The following CLCA1 variants were observed in gnomAD, a reference collection of about 807,000 sequenced individuals.
CLCA1 encodes the protein calcium-activated chloride channel regulator 1.
A neutral mutation model predicts 85.6 loss-of-function variants in CLCA1; 59 were observed. The ratio of observed to expected loss-of-function variants is 0.69; its 90% CI spans 0.56 to 0.86. CLCA1 has a LOEUF of 0.86. CLCA1 is among the 40% of genes least tolerant of loss of function. CLCA1 has a pLI of 0.00. For missense variants in CLCA1, 1,022 were observed against 1,101.4 expected, an observed-to-expected ratio of 0.93 and a Z score of 1.02; for synonymous variants, 396 against 398.3, an observed-to-expected ratio of 0.99 and a Z score of 0.07.
chr1:86,490,950 C>T (rs1360754949), intron 8 of CLCA1, among the ~76,000 whole-genome samples: 2 of 149,870 alleles, frequency 1.3e-5, no homozygotes, highest in African/African-American at 4.9e-5. Flanking sequence ...TTGGCATATG[C>T]TTGTAATCCC....
chr1:86,473,173 G>C (rs1228487693), intron 1 of CLCA1, among the ~76,000 whole-genome samples: 1 of 152,214 alleles, frequency 6.6e-6, no homozygotes, highest in Admixed American at 6.5e-5. Flanking sequence ...ACAAAAAGTG[G>C]TGCAGCCAGG....
intron 9 of CLCA1, among the ~76,000 whole-genome samples, chr1:86,492,510 C>A (rs146359122): frequency 3.3e-5 from 5 of 152,200 alleles, no homozygotes; most frequent in Non-Finnish European, 7.3e-5. Context: ...AATAGCCCTT[C>A]GCTTTCTCCA....
In CLCA1 at chr1:86,476,561, T is replaced by C. The variant is rs1365137171; in HGVS notation, c.557+8T>C. 1 of 1,365,362 alleles carries C rather than the reference T, an allele frequency of 7.3e-7. No individual in the cohort carries two copies. The highest frequency in any genetic ancestry group is 1.4e-5 in the African/African-American group (1 of 69,954). 84.6% of individuals were successfully genotyped at this position (1,365,362 alleles called of 1,614,324 possible). A position where few individuals can be genotyped will look rare whatever the true frequency, so the allele number is the denominator to read the frequency against. The stretch of plus-strand genomic sequence containing the variant: ...AAGAATACAAGCAGTAAGGTATGTA[T>C]ATTTTGATTTAACTTGTTCCAAACT... On this transcript the variant is annotated splice_region_variant and intron_variant, in intron 4 of 13. Transcript: ENST00000394711.
chr1:86,484,777 C>T (rs1647917698), intron 5 of CLCA1, among the ~76,000 whole-genome samples: 1 of 151,986 alleles, frequency 6.6e-6, no homozygotes. Flanking sequence ...TTCCAGTTTC[C>T]TAATTTTGGT....
intron 9 of CLCA1, 68 bp downstream of exon 9, chr1:86,491,439 G>A: frequency 9.2e-7 from 1 of 1,090,122 alleles, no homozygotes; most frequent in Non-Finnish European, 1.4e-6. Context: ...GAATTTAATG[G>A]CTAAAAGTTT....
Position 86,493,562 on chromosome 1 carries a change from C to G in CLCA1, c.1643C>G (p.Thr548Ser). The G allele has an allele frequency of 6.2e-7, 1 of 1,614,110 alleles. No homozygotes were observed. Among genetic ancestry groups the G allele is most frequent in the Non-Finnish European group, 8.5e-7 (1 of 1,179,982 alleles). The change falls in exon 10 of 14, where the codon ACC becomes AGC. Residue 548 changes from threonine (T) to serine (S), a missense_variant. Transcript: ENST00000394711. Reference protein sequence around the residue: ...KQGGFVVDKNTKMAYLQIPGI... With the variant: ...KQGGFVVDKNSKMAYLQIPGI... ...GGTGGCTTTGTAGTGGACAAAAACA[C>G]CAAAATGGCCTACCTCCAAATCCCA... is the stretch of plus-strand genomic sequence containing the variant.
At position 86,469,178 on chromosome 1, in the gene CLCA1, T is replaced by G. The variant is rs756258522; in HGVS notation, c.162+45T>G. ...CCATACTTTTTTAAAAATAGCATAATGTTGTGATAGAGAGAACATGAGTGC... is the reference window on the plus strand; with the variant it reads ...CCATACTTTTTTAAAAATAGCATAAGGTTGTGATAGAGAGAACATGAGTGC... On this transcript the variant is annotated intron_variant, in intron 1 of 13. Transcript: ENST00000394711. The G allele has an allele frequency of 4.9e-6, 7 of 1,440,542 alleles. No homozygotes were observed. The African/African-American group carries it at 8.4e-5, about 17-fold the overall frequency. The allele number at this position is 1,440,542 out of a possible 1,614,324, so 89.2% of individuals were successfully genotyped here. A position where few individuals can be genotyped will look rare whatever the true frequency, so the allele number is the denominator to read the frequency against.
chr1:86,489,003 G>C lies in CLCA1; in HGVS notation c.1190G>C (p.Arg397Thr), dbSNP rs1178974122. The C allele has an allele frequency of 1.2e-6, 2 of 1,613,684 alleles. No homozygotes were observed. The highest frequency in any genetic ancestry group is 2.2e-5 in the South Asian group (2 of 91,038). The change falls in exon 8 of 14, where the codon AGG becomes ACG. Residue 397 changes from arginine (R) to threonine (T), a missense_variant. Arg to Thr is a moderately conservative substitution (Grantham distance 71, BLOSUM62 -1). Coordinates refer to ENST00000394711, the MANE Select transcript of CLCA1 (RefSeq NM_001285.4). ...SGLRSAFTVI[R>T]KKYPTDGSEI... ...CCTAAATTCTGTCCTTAGGTGATTA[G>C]GAAGAAATATCCAACTGATGGATCT...
intron 5 of CLCA1, among the ~76,000 whole-genome samples, chr1:86,483,493 C>A (rs529767314): frequency 6.6e-6 from 1 of 152,004 alleles, no homozygotes; most frequent in South Asian, 2.1e-4. Flanking sequence ...GAGGAGGAAT[C>A]ATGTTACTTT....
Position 86,494,382 on chromosome 1 carries a change from G to A in CLCA1, c.1876G>A (p.Val626Ile), listed in dbSNP as rs758280176. 69 of 1,613,900 alleles carry A rather than the reference G, an allele frequency of 4.3e-5. No individual in the cohort carries two copies. The highest frequency in any genetic ancestry group is 5.4e-5 in the Non-Finnish European group (64 of 1,179,836). Residue 626 changes from valine (V) to isoleucine (I), a missense_variant, in exon 11 of 14, where the codon GTC (valine) becomes ATC (isoleucine). Physicochemically the swap from Val to Ile is conservative, Grantham distance 29. Coordinates refer to ENST00000394711, the MANE Select transcript of CLCA1 (RefSeq NM_001285.4). ...QGASPILRAS[V>I]TALIESVNGK... ...AGCCTCCCCAATTCTCAGGGCCAGT[G>A]TCACAGCCCTGATTGAATCAGTGAA...
chr1:86,499,464 C>A (rs577919448), intron 13 of CLCA1, among the ~76,000 whole-genome samples, 190 bp from the exon 14 acceptor site: 1 of 152,336 alleles, frequency 6.6e-6, no homozygotes, highest in Non-Finnish European at 1.5e-5. Context: ...TATATACAAA[C>A]AAGAATGTAA....
At position 86,489,285 on chromosome 1, in the gene CLCA1, G is replaced by C. The variant is rs1039009379; in HGVS notation, c.1357+115G>C. 8.4e-6 allele frequency: 8 copies of C among 955,392 alleles called. No individual in the cohort carries two copies. In the African/African-American group the frequency reaches 9.9e-5, roughly 12 times the overall value. 59.2% of individuals were successfully genotyped at this position (955,392 alleles called of 1,614,324 possible). On this transcript the variant is annotated intron_variant, in intron 8 of 13. Transcript: ENST00000394711. ...GGAGAGAGATAGGATAACCTAATTG[G>C]CTAACTAGCCACCCTTACCCCTGAA...
intron 5 of CLCA1, among the ~76,000 whole-genome samples, chr1:86,482,763 A>G (rs1325351618): frequency 2.6e-5 from 4 of 152,292 alleles, no homozygotes; most frequent in South Asian, 2.1e-4. Flanking sequence ...ACTTTCAGAG[A>G]GCTCTTTTCA....
chr1:86,499,775 T>C lies in CLCA1; in HGVS notation c.2475T>C (p.Phe825=). 1 of 1,614,102 alleles carries C rather than the reference T, an allele frequency of 6.2e-7. No individual in the cohort carries two copies. Among genetic ancestry groups the C allele is most frequent in the Non-Finnish European group, 8.5e-7 (1 of 1,179,944 alleles). ...AGGAAGCCAACTCTGAGGAAGTCTT[T>C]TTGTTTAAACCAGAAAACATTACTT... ...IPKEANSEEV[F]LFKPENITFE... The change falls in exon 14 of 14, where the codon TTT becomes TTC. Residue 825 remains phenylalanine, a synonymous_variant. Transcript: ENST00000394711.
intron 13 of CLCA1, 52 bp from the exon 14 acceptor site, chr1:86,499,597 TAAGAA>T (rs909249000): frequency 8.5e-6 from 10 of 1,171,258 alleles, no homozygotes; most frequent in Non-Finnish European, 9.6e-6. Context: ...CTCTACTGCT[TAAGAA>T]GTTTCTTTAA....
At chr1:86,471,338 A>G (rs1267259251) in intron 1 of CLCA1, among the ~76,000 whole-genome samples, 2 of 152,232 alleles carry the variant, frequency 1.3e-5, no homozygotes, top group African/African-American at 4.8e-5. Flanking sequence ...CTAGAAGTCC[A>G]GTGGTCAATA....
Position 86,480,778 on chromosome 1 carries a change from G to T in CLCA1, c.558-1427G>T, listed in dbSNP as rs1344412886. Among the ~76,000 whole-genome samples, 6 of 152,312 alleles carry T rather than the reference G, an allele frequency of 3.9e-5. No individual in the cohort carries two copies. The East Asian group carries it at 1.2e-3, about 29-fold the overall frequency. ...AGCAGGATGAAAGCTCTCACAGATG[G>T]TTGTTAGAGGCATAAATTCATGCAA... On this transcript the variant is annotated intron_variant, in intron 4 of 13. Coordinates refer to ENST00000394711, the MANE Select transcript of CLCA1 (RefSeq NM_001285.4).
chr1:86,480,080 G>A (rs990638338), intron 4 of CLCA1, among the ~76,000 whole-genome samples: 8 of 152,060 alleles, frequency 5.3e-5, no homozygotes, highest in Non-Finnish European at 1.0e-4. Context: ...AAAGCAGAAT[G>A]ATAATGAAAA....
At position 86,495,427 on chromosome 1, in the gene CLCA1, C is replaced by T. The variant is rs1255555105; in HGVS notation, c.1943-78C>T. ...TGAATTTCTTGTTGCTTTGAAAATTCATAGCCTACATATGAGTTGGAAATA... is the reference window on the plus strand; with the variant it reads ...TGAATTTCTTGTTGCTTTGAAAATTTATAGCCTACATATGAGTTGGAAATA... On this transcript the variant is annotated intron_variant, in intron 11 of 13. Transcript: ENST00000394711. The T allele has an allele frequency of 4.2e-6, 5 of 1,199,220 alleles. No individual in the cohort carries two copies. The East Asian group carries it at 7.2e-5, about 17-fold the overall frequency. The allele number at this position is 1,199,220 out of a possible 1,614,324, so 74.3% of individuals were successfully genotyped here. A position where few individuals can be genotyped will look rare whatever the true frequency, so the allele number is the denominator to read the frequency against.
Sources: gnomAD v4.1 joint callset for allele counts (sites outside exome capture counted in the v4.1 genomes callset) on GRCh38, gnomAD v4.1.1 for gene constraint, MANE v1.5 for transcripts, NCBI Gene and HGNC (gene_info 2026-07-23, HGNC 2026-07-21) for gene names.